PAQR3: variants seen among roughly 807,000 people sequenced by gnomAD.
PAQR3 encodes progestin and adipoQ receptor family member 3.
In PAQR3, 39 loss-of-function variants were observed where a neutral mutation model predicts 41.7. The observed-to-expected ratio is 0.93, with a 90% confidence interval of 0.72 to 1.22. The LOEUF (loss-of-function observed/expected upper bound fraction) is 1.22, where lower values mean the gene tolerates loss of function less well. Ranked by LOEUF, PAQR3 falls within the 50% of genes most tolerant of loss-of-function variation. PAQR3 has a pLI of 0.00. For synonymous variants in PAQR3, 140 were observed against 140.6 expected, an observed-to-expected ratio of 1.00 and a Z score of 0.03; for missense variants, 366 against 385.6, an observed-to-expected ratio of 0.95 and a Z score of 0.42.
At chr4:78,887,373 T>A (rs1733153964) in intron 12 of PAQR3, 6 of 913,540 alleles carry the variant, frequency 6.6e-6, no homozygotes, top group Admixed American at 4.5e-5. Context: ...AAGACTCTGA[T>A]GTTAGTTAGC....
At chr4:78,934,875 G>A (rs1165212869) in intron 2 of PAQR3, among the ~76,000 whole-genome samples, 1 of 152,140 alleles carries the variant, frequency 6.6e-6, no homozygotes, top group East Asian at 1.9e-4. Flanking sequence ...TAATCTTAAA[G>A]CAGAGGTGCC....
chr4:78,930,453 T>C, intron 2 of PAQR3, 128 bp from the exon 3 acceptor site: 1 of 956,056 alleles, frequency 1.0e-6, no homozygotes. Context: ...ATTCTAGCTC[T>C]GTGCCTTACA....
intron 11 of PAQR3, among the ~76,000 whole-genome samples, chr4:78,900,463 T>G (rs921766519): frequency 2.6e-5 from 4 of 152,178 alleles, no homozygotes; most frequent in Admixed American, 2.0e-4. Flanking sequence ...TCTGGAGAGA[T>G]AAAGTCAGTA....
chr4:78,894,466 G>T (rs1234159564), intron 11 of PAQR3, among the ~76,000 whole-genome samples: 3 of 152,156 alleles, frequency 2.0e-5, no homozygotes, highest in Non-Finnish European at 4.4e-5. Context: ...TACAGCTCAT[G>T]ATCCAACCTC....
At position 78,918,387 on chromosome 4, in the gene PAQR3, A is replaced by G. The variant is rs950631292; in HGVS notation, c.*2152T>C. 18 of 978,246 alleles carry G rather than the reference A, an allele frequency of 1.8e-5. No individual in the cohort carries two copies. The highest frequency in any genetic ancestry group is 2.1e-5 in the Non-Finnish European group (17 of 823,178). 60.6% of individuals were successfully genotyped at this position (978,246 alleles called of 1,614,324 possible). A position where few individuals can be genotyped will look rare whatever the true frequency, so the allele number is the denominator to read the frequency against. On this transcript the variant is annotated 3_prime_UTR_variant, in exon 6 of 6. Coordinates refer to ENST00000512733, the MANE Select transcript of PAQR3 (RefSeq NM_001040202.2). ...TGTGCACACAGTAGGTGGTCATTAAATGCTGACTGACATACAGAAGTGTTT... is the reference window on the plus strand; with the variant it reads ...TGTGCACACAGTAGGTGGTCATTAAGTGCTGACTGACATACAGAAGTGTTT...
At chr4:78,911,575 C>T (rs1346499258), downstream of PAQR3, 1 of 1,613,990 alleles carries the variant, frequency 6.2e-7, no homozygotes, top group Non-Finnish European at 8.5e-7. Context: ...GACTTTGAAG[C>T]CTACCTATCG....
chr4:78,937,005 G>A (rs1196609282), intron 1 of PAQR3, among the ~76,000 whole-genome samples: 1 of 152,156 alleles, frequency 6.6e-6, no homozygotes, highest in African/African-American at 2.4e-5. Context: ...CTTACTGTAC[G>A]AAAAGTTAGG....
At chr4:78,890,855 C>T (rs1733395274) in intron 11 of PAQR3, among the ~76,000 whole-genome samples, 1 of 152,110 alleles carries the variant, frequency 6.6e-6, no homozygotes, top group Non-Finnish European at 1.5e-5. Flanking sequence ...TAAAGCAACT[C>T]CTCTAGTTGT....
downstream of PAQR3, chr4:78,911,175 T>A (rs556595982): frequency 6.2e-7 from 1 of 1,613,688 alleles, no homozygotes; most frequent in Admixed American, 1.7e-5. Context: ...AAGAAAAGAA[T>A]GAAAAGAACC....
downstream of PAQR3, chr4:78,911,568 T>C: frequency 6.2e-7 from 1 of 1,613,990 alleles, no homozygotes; most frequent in Non-Finnish European, 8.5e-7. Context: ...CAAAGAAGAC[T>C]TTGAAGCCTA....
Position 78,916,539 on chromosome 4 carries a change from T to C in PAQR3, c.*4000A>G, listed in dbSNP as rs1735089402. 1 of 151,888 alleles carries C rather than the reference T, an allele frequency of 6.6e-6. No individual in the cohort carries two copies. Among genetic ancestry groups the C allele is most frequent in the African/African-American group, 2.4e-5 (1 of 41,418 alleles). 9.4% of individuals were successfully genotyped at this position (151,888 alleles called of 1,614,324 possible). On this transcript the variant is annotated 3_prime_UTR_variant, in exon 6 of 6. Coordinates refer to ENST00000512733, the MANE Select transcript of PAQR3 (RefSeq NM_001040202.2). ...CCCTATTCTTAAGGAGCTCAGAGTT[T>C]ACAATTTAGGTAAGAAAACCCATTT...
Position 78,919,024 on chromosome 4 carries a change from G to A in PAQR3, c.*1515C>T, listed in dbSNP as rs1735386520. 1 of 984,806 alleles carries A rather than the reference G, an allele frequency of 1.0e-6. No individual in the cohort carries two copies. The allele number at this position is 984,806 out of a possible 1,614,324, so 61.0% of individuals were successfully genotyped here. A position where few individuals can be genotyped will look rare whatever the true frequency, so the allele number is the denominator to read the frequency against. ...GGTATTCCTTTACTGAGCCTCCTGG[G>A]GGGAAATTCTCTTTGCTGAGATACT... On this transcript the variant is annotated 3_prime_UTR_variant, in exon 6 of 6. Coordinates refer to ENST00000512733, the MANE Select transcript of PAQR3 (RefSeq NM_001040202.2).
intron 11 of PAQR3, among the ~76,000 whole-genome samples, chr4:78,894,762 T>C (rs114948830): frequency 0.065 from 9,822 of 152,276 alleles, 1,023 homozygotes; most frequent in African/African-American, 0.22. Context: ...GCTTTTGACC[T>C]ATCTCAGCTT....
At chr4:78,890,856 C>T (rs559407745) in intron 11 of PAQR3, among the ~76,000 whole-genome samples, 2 of 152,216 alleles carry the variant, frequency 1.3e-5, no homozygotes, top group South Asian at 2.1e-4. Context: ...AAAGCAACTC[C>T]TCTAGTTGTT....
chr4:78,911,551 A>G (rs577699126), downstream of PAQR3: 10 of 1,614,072 alleles, frequency 6.2e-6, no homozygotes, highest in East Asian at 2.2e-5. Flanking sequence ...TGGCACGCCA[A>G]CTAGCACAAA....
chr4:78,915,289 G>T lies in PAQR3; in HGVS notation c.*5250C>A, dbSNP rs990404093. ...AAGGTGGAGCCCACTCTTCTATGCT[G>T]AAGTTCACCAGGCAGAGCAGTTTTC... On this transcript the variant is annotated 3_prime_UTR_variant, in exon 6 of 6. Transcript: ENST00000512733. 1 of 151,982 alleles carries T rather than the reference G, an allele frequency of 6.6e-6. No individual in the cohort carries two copies. The highest frequency in any genetic ancestry group is 1.5e-5 in the Non-Finnish European group (1 of 67,918). 9.4% of individuals were successfully genotyped at this position (151,982 alleles called of 1,614,324 possible).
intron 4 of PAQR3, among the ~76,000 whole-genome samples, chr4:78,924,601 C>A (rs1736002999): frequency 6.6e-6 from 1 of 152,080 alleles, no homozygotes; most frequent in African/African-American, 2.4e-5. Flanking sequence ...CAAAACTAGC[C>A]TGAGCAACAC....
downstream of PAQR3, among the ~76,000 whole-genome samples, chr4:78,907,266 CT>C (rs1180301416): frequency 6.6e-6 from 1 of 152,046 alleles, no homozygotes; most frequent in Admixed American, 6.6e-5. Flanking sequence ...ATTAATACAA[CT>C]TTGATAAATG....
chr4:78,909,703 A>G (rs1734482173), downstream of PAQR3, among the ~76,000 whole-genome samples: 1 of 152,130 alleles, frequency 6.6e-6, no homozygotes, highest in African/African-American at 2.4e-5. Flanking sequence ...GGTCTTCACC[A>G]CTGTCCAAAG....
Sources: allele counts gnomAD v4.1 joint callset (sites outside exome capture counted in the v4.1 genomes callset), GRCh38; gene constraint gnomAD v4.1.1; transcripts MANE v1.5; gene names NCBI Gene and HGNC (gene_info 2026-07-23, HGNC 2026-07-21).